The following PDXDC1 variants were observed in gnomAD, a reference collection of about 807,000 sequenced individuals.
The protein encoded by PDXDC1 is pyridoxal dependent decarboxylase domain containing 1, also known as pyridoxal-dependent decarboxylase domain-containing protein 1.
PDXDC1 carries 42 observed loss-of-function variants against 100.1 expected under a neutral mutation model. The observed-to-expected ratio is 0.42, with a 90% CI of 0.33 to 0.54. The LOEUF is 0.54. Among genes scored for constraint, PDXDC1 ranks in the 20% least tolerant of loss-of-function variants. PDXDC1 has a pLI of 0.10. For synonymous variants in PDXDC1, 260 were observed against 371.7 expected, an observed-to-expected ratio of 0.70 and a Z score of 3.46; for missense variants, 636 against 979.2, an observed-to-expected ratio of 0.65 and a Z score of 4.68.
At position 15,032,872 on chromosome 16, in the gene PDXDC1, C is replaced by G. The variant is rs2043151660; in HGVS notation, c.1583C>G (p.Ala528Gly). 16 of 1,581,328 alleles carry G rather than the reference C, an allele frequency of 1.0e-5. No individual in the cohort carries two copies. The highest frequency in any genetic ancestry group is 1.4e-5 in the Non-Finnish European group (16 of 1,150,134). ...SGIGVVRYEH[A>G]NDDKSSLKSD... Reference sequence around the variant, plus strand: ...TGATGTTGTTTTAGGTATGAACATGCTAATGATGATAAGAGCAGTTTGAAA... The same window carrying G: ...TGATGTTGTTTTAGGTATGAACATGGTAATGATGATAAGAGCAGTTTGAAA... The change falls in exon 18 of 23, where the codon GCT becomes GGT. Residue 528 changes from alanine to glycine, a missense_variant. Ala to Gly is a moderately conservative substitution (Grantham distance 60). Around this residue, in one of 4 missense-constraint regions of PDXDC1, gnomAD observed 452 missense variants for 402.9 expected, o/e 1.12. Transcript: ENST00000396410.
the PDXDC1 span, among the ~76,000 whole-genome samples, chr16:15,146,335 A>T: frequency 6.6e-6 from 1 of 152,122 alleles, no homozygotes; most frequent in Non-Finnish European, 1.5e-5. Context: ...CACCGCCACC[A>T]CCTAACAGCA....
At chr16:15,061,573 A>G (rs2044711010) in intron 16 of PDXDC1, 2 of 514,302 alleles carry the variant, frequency 3.9e-6, no homozygotes, top group Admixed American at 6.9e-5. Context: ...CAACAACAAA[A>G]AAACCCAGTC....
intron 16 of PDXDC1, chr16:15,074,787 G>C: frequency 1.2e-6 from 2 of 1,614,016 alleles, no homozygotes; most frequent in Non-Finnish European, 1.7e-6. Context: ...CCAGGCGCTC[G>C]GCTACAGGAT....
At chr16:15,146,798 C>T in the PDXDC1 span, among the ~76,000 whole-genome samples, 5 of 151,902 alleles carry the variant, frequency 3.3e-5, no homozygotes, top group East Asian at 2.0e-4. Flanking sequence ...CTGAGGGAAC[C>T]GACAGAGCTA....
At chr16:15,085,676 G>A (rs1247093876) in intron 16 of PDXDC1, 6 of 1,613,252 alleles carry the variant, frequency 3.7e-6, no homozygotes, top group South Asian at 1.1e-5. Context: ...CATCTACATC[G>A]CCTTCCTTAA....
At chr16:15,046,796 G>C (rs2044087998) in intron 16 of PDXDC1, among the ~76,000 whole-genome samples, 1 of 150,446 alleles carries the variant, frequency 6.6e-6, no homozygotes, top group African/African-American at 2.4e-5. Flanking sequence ...AATCACCTGA[G>C]TCCACAAAGT....
chr16:15,096,024 G>C (rs1466258562), intron 16 of PDXDC1, among the ~76,000 whole-genome samples: 1 of 152,086 alleles, frequency 6.6e-6, no homozygotes, highest in African/African-American at 2.4e-5. Context: ...GCTGCAGTGA[G>C]CTGTGATTGT....
the PDXDC1 span, among the ~76,000 whole-genome samples, chr16:15,149,426 G>A: frequency 6.6e-6 from 1 of 152,212 alleles, no homozygotes; most frequent in Non-Finnish European, 1.5e-5. Flanking sequence ...CAGGATCCAG[G>A]GACCAGAAAT....
chr16:15,044,911 A>G (rs185287687), intron 16 of PDXDC1: 1 of 153,230 alleles, frequency 6.5e-6, no homozygotes, highest in Admixed American at 6.5e-5. Context: ...GCTTGAGCTC[A>G]GGAGTTTGCA....
At chr16:15,148,526 A>G in the PDXDC1 span, among the ~76,000 whole-genome samples, 1 of 150,952 alleles carries the variant, frequency 6.6e-6, no homozygotes, top group Non-Finnish European at 1.5e-5. Context: ...GGGACCACAG[A>G]TGCACACCAC....
At chr16:15,044,428 G>A in intron 16 of PDXDC1, 1 of 1,575,496 alleles carries the variant, frequency 6.3e-7, no homozygotes, top group Non-Finnish European at 8.7e-7. Flanking sequence ...GATGAGACGG[G>A]TCAGAGGCCA....
chr16:15,070,690 C>T (rs886219178), intron 16 of PDXDC1, among the ~76,000 whole-genome samples: 1 of 152,094 alleles, frequency 6.6e-6, no homozygotes. Flanking sequence ...GTTTCAACAG[C>T]ATCCTTGTCC....
chr16:15,090,944 G>C (rs961225675), intron 16 of PDXDC1, among the ~76,000 whole-genome samples: 6 of 151,380 alleles, frequency 4.0e-5, no homozygotes, highest in Non-Finnish European at 7.4e-5. Flanking sequence ...GGAGGAAAGA[G>C]GTAGTAATCT....
At chr16:15,023,000 A>G (rs1877041753) in intron 13 of PDXDC1, among the ~76,000 whole-genome samples, 2 of 152,298 alleles carry the variant, frequency 1.3e-5, no homozygotes, top group Admixed American at 1.3e-4. Flanking sequence ...GGTGCTTTTC[A>G]TGTACTTCAT....
At chr16:15,054,347 C>T (rs1440374487) in intron 16 of PDXDC1, among the ~76,000 whole-genome samples, 1 of 152,190 alleles carries the variant, frequency 6.6e-6, no homozygotes, top group African/African-American at 2.4e-5. Context: ...AGAAGCAGCC[C>T]CGGTATGTCA....
chr16:15,092,965 T>C (rs1408474051), intron 16 of PDXDC1, among the ~76,000 whole-genome samples: 2 of 152,212 alleles, frequency 1.3e-5, no homozygotes, highest in Non-Finnish European at 2.9e-5. Context: ...CACTTACTGT[T>C]CACTCTATTG....
intron 13 of PDXDC1, 136 bp downstream of exon 13, chr16:15,022,890 C>CA (rs1220134189): frequency 1.1e-4 from 84 of 770,196 alleles, no homozygotes; most frequent in East Asian, 5.4e-4. Context: ...AAAAACAAAA[C>CA]AAAAAAACGA....
chr16:14,976,417 ATG>A, intron 1 of PDXDC1, among the ~76,000 whole-genome samples: 1 of 152,276 alleles, frequency 6.6e-6, no homozygotes, highest in Non-Finnish European at 1.5e-5. Context: ...AGATGTCTTC[ATG>A]TGCTCACAGT....
chr16:15,149,221 G>C, the PDXDC1 span, among the ~76,000 whole-genome samples: 1 of 152,194 alleles, frequency 6.6e-6, no homozygotes, highest in Non-Finnish European at 1.5e-5. Context: ...TGGGAGCTTT[G>C]AAACCTGGCT....
Sources: allele counts gnomAD v4.1 joint callset (sites outside exome capture counted in the v4.1 genomes callset), GRCh38; gene constraint gnomAD v4.1.1; regional missense constraint gnomAD v4.1.1; transcripts MANE v1.5; gene names NCBI Gene and HGNC (gene_info 2026-07-23, HGNC 2026-07-21).